Variants in XIRP2 observed in about 807,000 individuals in gnomAD.
XIRP2 encodes xin actin binding repeat containing 2.
XIRP2 carries 236 observed loss-of-function variants against 277.0 expected under a neutral mutation model. That is an observed-to-expected ratio of 0.85 (90% CI 0.77 to 0.95). XIRP2 has a LOEUF of 0.95. Ranked by LOEUF, XIRP2 falls within the 40% of genes least tolerant of loss-of-function variation. The pLI, the probability that XIRP2 is intolerant of heterozygous loss-of-function variation, is 0.00. For synonymous variants in XIRP2, 1,490 were observed against 1,416.5 expected (o/e 1.05, Z -1.17); for missense variants, 4,640 against 4,157.5 (o/e 1.12, Z -3.19).
chr2:167,198,963 T>G (rs1472226631), intron 3 of XIRP2, among the ~76,000 whole-genome samples: 1 of 152,200 alleles, frequency 6.6e-6, no homozygotes, highest in African/African-American at 2.4e-5. Flanking sequence ...GAAAACAGTT[T>G]GTGTAAATTC....
At chr2:166,999,554 G>C (rs1687310666) in intron 2 of XIRP2, among the ~76,000 whole-genome samples, 1 of 152,014 alleles carries the variant, frequency 6.6e-6, no homozygotes, top group Non-Finnish European at 1.5e-5. Flanking sequence ...TAAATTTAAT[G>C]TTGAATGGTC....
chr2:167,009,642 T>C (rs6738112), intron 2 of XIRP2, among the ~76,000 whole-genome samples: 15,677 of 151,998 alleles, frequency 0.1, 1,312 homozygotes, highest in East Asian at 0.37. Context: ...ATCGCCACAC[T>C]GACTTCCACA....
chr2:167,195,713 G>A (rs1367447038), intron 3 of XIRP2, among the ~76,000 whole-genome samples: 7 of 152,166 alleles, frequency 4.6e-5, no homozygotes, highest in East Asian at 1.9e-4. Flanking sequence ...GTGAAATGGC[G>A]CAATGCACCA....
chr2:167,192,116 C>A (rs1009902551), intron 3 of XIRP2, among the ~76,000 whole-genome samples: 1 of 151,964 alleles, frequency 6.6e-6, no homozygotes, highest in Non-Finnish European at 1.5e-5. Flanking sequence ...CGGTGTTTTC[C>A]ATTTCAAGTT....
chr2:167,188,904 CT>C (rs1693242825), intron 3 of XIRP2, among the ~76,000 whole-genome samples: 1 of 152,160 alleles, frequency 6.6e-6, no homozygotes, highest in Non-Finnish European at 1.5e-5. Context: ...CTTTAATGAT[CT>C]CAGAGGCTTC....
intron 2 of XIRP2, among the ~76,000 whole-genome samples, chr2:166,956,925 TTAAGA>T (rs1389901886): frequency 1.3e-5 from 2 of 151,854 alleles, no homozygotes; most frequent in African/African-American, 2.4e-5. Flanking sequence ...TGAAGTTATG[TTAAGA>T]TAAGAAAGGT....
rs772218026 is a variant in XIRP2 at position 167,247,792 on chromosome 2, C to A, written c.6400C>A (p.Gln2134Lys). 10 of 1,613,070 alleles carry A rather than the reference C, an allele frequency of 6.2e-6. No individual in the cohort carries two copies. Among genetic ancestry groups the A allele is most frequent in the Non-Finnish European group, 8.5e-6 (10 of 1,179,598 alleles). ...GACATATGAACTGAGAAATGACCAC[C>A]AGAAAATGGAGGGTTTTCATATAAA... ...QQTYELRNDHQKMEGFHIKSP... is the reference protein window; with the variant it reads ...QQTYELRNDHKKMEGFHIKSP... The change falls in exon 9 of 11, where the codon CAG becomes AAG. Residue 2134 changes from glutamine (Q) to lysine (K), a missense_variant. Coordinates refer to ENST00000409195, the MANE Select transcript of XIRP2 (RefSeq NM_152381.6).
chr2:166,914,985 G>A (rs1395755623), intron 2 of XIRP2, among the ~76,000 whole-genome samples: 1 of 151,978 alleles, frequency 6.6e-6, no homozygotes, highest in African/African-American at 2.4e-5. Context: ...AAGTTTATTT[G>A]TTTGTTTGTT....
At chr2:166,956,635 C>T (rs111768996) in intron 2 of XIRP2, among the ~76,000 whole-genome samples, 1,540 of 151,896 alleles carry the variant, frequency 0.01, 32 homozygotes, top group African/African-American at 0.035. Context: ...TGTCAGGTCC[C>T]ATAGTCTTCA....
At position 167,254,120 on chromosome 2, in the gene XIRP2, T is replaced by C. The variant is rs776038381; in HGVS notation, c.10644T>C (p.Phe3548=). The C allele has an allele frequency of 6.2e-7, 1 of 1,610,862 alleles. No homozygotes were observed. The highest frequency in any genetic ancestry group is 2.2e-5 in the East Asian group (1 of 44,780). Residue 3548 remains phenylalanine (F), a synonymous_variant, in exon 10 of 11, where the codon TTT becomes TTC. Coordinates refer to ENST00000409195, the MANE Select transcript of XIRP2 (RefSeq NM_152381.6). ...NGVPSGRQAE[F]S is the part of the protein sequence containing the mutation. ...TGCCTAGTGGCAGACAAGCAGAATT[T>C]TCATAAGTCCTGCTTCCGATGCCAC...
rs540529090 is a variant in XIRP2 at position 166,913,533 on chromosome 2, G to T, written c.408+9643G>T. Among the ~76,000 whole-genome samples the T allele has an allele frequency of 2.0e-5, 3 of 152,222 alleles. No homozygotes were observed. The East Asian group carries it at 5.8e-4, about 29-fold the overall frequency. On this transcript the variant is annotated intron_variant, in intron 2 of 10. Transcript: ENST00000409195. The stretch of plus-strand genomic sequence containing the variant: ...GTTCCTATTCAGCCATCTTGGAACC[G>T]CCCCAGGTCATAGAAGTTTTAAGAG...
intron 2 of XIRP2, among the ~76,000 whole-genome samples, chr2:166,973,829 A>T (rs1686637773): frequency 3.3e-5 from 5 of 152,226 alleles, no homozygotes; most frequent in Non-Finnish European, 7.3e-5. Flanking sequence ...TTGAAAATGT[A>T]TTTCTACATA....
chr2:167,227,821 T>A (rs977150125), intron 5 of XIRP2, among the ~76,000 whole-genome samples: 5 of 152,186 alleles, frequency 3.3e-5, no homozygotes, highest in African/African-American at 7.2e-5. Context: ...GGAATTTTTT[T>A]AATTTATTAG....
chr2:166,976,159 A>G (rs1686713082), intron 2 of XIRP2, among the ~76,000 whole-genome samples: 1 of 152,136 alleles, frequency 6.6e-6, no homozygotes, highest in African/African-American at 2.4e-5. Context: ...TACTAGGCCC[A>G]GATCTGCAAT....
chr2:167,164,611 C>T (rs11893377), intron 3 of XIRP2, among the ~76,000 whole-genome samples: 35,144 of 151,958 alleles, frequency 0.23, 5,655 homozygotes, highest in African/African-American at 0.46. Flanking sequence ...TTCTCTTTTA[C>T]TGGCAATAAC....
chr2:167,026,333 T>G (rs1327130912), intron 2 of XIRP2, among the ~76,000 whole-genome samples: 1 of 152,180 alleles, frequency 6.6e-6, no homozygotes, highest in East Asian at 1.9e-4. Flanking sequence ...TCCTTTTATT[T>G]TGAGCCTATG....
chr2:167,019,437 G>C (rs1462803949), intron 2 of XIRP2, among the ~76,000 whole-genome samples: 3 of 152,044 alleles, frequency 2.0e-5, no homozygotes, highest in African/African-American at 7.2e-5. Context: ...GAAATTCTGG[G>C]AGAAATATGA....
chr2:166,913,314 C>A (rs972436605), intron 2 of XIRP2, among the ~76,000 whole-genome samples: 7 of 130,538 alleles, frequency 5.4e-5, no homozygotes, highest in South Asian at 5.4e-4. Flanking sequence ...GTGGGCACCC[C>A]CCCCCCCCAG....
intron 1 of XIRP2, among the ~76,000 whole-genome samples, chr2:166,901,965 G>T (rs1440387395): frequency 1.3e-5 from 2 of 152,094 alleles, no homozygotes; most frequent in Non-Finnish European, 2.9e-5. Context: ...GTTTTAGCCA[G>T]AGATAGAGCT....
Sources: allele counts gnomAD v4.1 joint callset (sites outside exome capture counted in the v4.1 genomes callset), GRCh38; gene constraint gnomAD v4.1.1; transcripts MANE v1.5; gene names NCBI Gene and HGNC (gene_info 2026-07-23, HGNC 2026-07-21).